PIEZO2: variants seen among roughly 807,000 people sequenced by gnomAD.
The protein encoded by PIEZO2 is piezo-type mechanosensitive ion channel component 2.
PIEZO2 carries 172 observed loss-of-function variants against 337.3 expected under a neutral mutation model. That is an observed-to-expected ratio of 0.51 (90% CI 0.45 to 0.58). PIEZO2 has a LOEUF of 0.58. PIEZO2 is among the 20% of genes least tolerant of loss of function. The pLI is 0.00. For missense variants in PIEZO2, 3,028 were observed against 3,391.3 expected, an observed-to-expected ratio of 0.89 and a Z score of 2.66; for synonymous variants, 1,251 against 1,228.5, an observed-to-expected ratio of 1.02 and a Z score of -0.38.
At chr18:11,091,163 A>G (rs2039075283) in intron 1 of PIEZO2, among the ~76,000 whole-genome samples, 1 of 151,590 alleles carries the variant, frequency 6.6e-6, no homozygotes, top group Admixed American at 6.6e-5. Flanking sequence ...AGGTGGGCGG[A>G]TCACGAGGTC....
intron 7 of PIEZO2, among the ~76,000 whole-genome samples, chr18:10,807,494 T>C (rs1383864144): frequency 1.3e-5 from 2 of 152,248 alleles, no homozygotes; most frequent in Non-Finnish European, 2.9e-5. Context: ...CATTCAGTAA[T>C]CATATGTGTA....
chr18:10,700,544 A>C (rs2035288384), intron 43 of PIEZO2, among the ~76,000 whole-genome samples: 1 of 152,116 alleles, frequency 6.6e-6, no homozygotes. Context: ...TTAAATATAA[A>C]ATTGCAGCAG....
At chr18:10,872,000 T>A (rs2042151228) in intron 4 of PIEZO2, among the ~76,000 whole-genome samples, 1 of 152,212 alleles carries the variant, frequency 6.6e-6, no homozygotes. Context: ...AACTTAGTAG[T>A]TGCATCCTGC....
chr18:10,752,502 T>C, intron 28 of PIEZO2, 134 bp downstream of exon 28: 2 of 1,133,996 alleles, frequency 1.8e-6, no homozygotes, highest in Non-Finnish European at 2.4e-6. Context: ...GGTTTTTGAA[T>C]TCTGAATTTG....
Position 10,707,765 on chromosome 18 carries a change from A to G in PIEZO2, c.5588+510T>C, listed in dbSNP as rs1057465727. Among the ~76,000 whole-genome samples, 1 of 152,220 alleles carries G rather than the reference A, an allele frequency of 6.6e-6. No individual in the cohort carries two copies. Among genetic ancestry groups the G allele is most frequent in the African/African-American group, 2.4e-5 (1 of 41,454 alleles). On this transcript the variant is annotated intron_variant, in intron 40 of 55. Transcript: ENST00000674853. The surrounding 1 kb of genome is among the most constrained non-coding windows in gnomAD (Gnocchi z 4.2). The stretch of plus-strand genomic sequence containing the variant: ...TCTTTTTAAAAACCAATGGTAAACT[A>G]TATTCTGACTTTTATGTCAATTAGG...
rs1227575729 is a variant in PIEZO2, at chr18:11,032,729, G to A, written c.160+33398C>T. Among the ~76,000 whole-genome samples, 2 of 152,204 alleles carry A rather than the reference G, an allele frequency of 1.3e-5. No homozygotes were observed. The highest frequency in any genetic ancestry group is 4.8e-5 in the African/African-American group (2 of 41,458). ...TATGCATGTGTGTGTGTGAATATGT[G>A]CACACATACAGATGTAGAGTTTTCT... On this transcript the variant is annotated intron_variant, in intron 2 of 55. Transcript: ENST00000674853. The surrounding 1 kb of genome is among the most constrained non-coding windows in gnomAD (Gnocchi z 4.9).
At chr18:10,770,857 A>T (rs1454506282) in intron 20 of PIEZO2, among the ~76,000 whole-genome samples, 2 of 151,722 alleles carry the variant, frequency 1.3e-5, no homozygotes, top group Non-Finnish European at 2.9e-5. Context: ...ATTCTCCTTG[A>T]GTAGCTGGGA....
At chr18:10,906,028 T>C (rs1168286960) in intron 4 of PIEZO2, among the ~76,000 whole-genome samples, 1 of 152,122 alleles carries the variant, frequency 6.6e-6, no homozygotes, top group Non-Finnish European at 1.5e-5. Flanking sequence ...AATTTCTTTA[T>C]GACATAGATG....
chr18:11,052,469 C>T (rs1268454550), intron 2 of PIEZO2, among the ~76,000 whole-genome samples: 1 of 151,948 alleles, frequency 6.6e-6, no homozygotes, highest in Non-Finnish European at 1.5e-5. Context: ...CAAGCCTCCA[C>T]ATTCATGATA....
intron 7 of PIEZO2, among the ~76,000 whole-genome samples, chr18:10,809,190 C>G (rs2040095942): frequency 6.7e-6 from 1 of 150,132 alleles, no homozygotes; most frequent in South Asian, 2.1e-4. Context: ...AGATTGTTGT[C>G]TCCTACAGGA....
At chr18:11,074,675 C>T (rs902073361) in intron 1 of PIEZO2, among the ~76,000 whole-genome samples, 2 of 152,172 alleles carry the variant, frequency 1.3e-5, no homozygotes, top group East Asian at 1.9e-4. Flanking sequence ...GAAAAATGAT[C>T]GATTTGACTT....
At chr18:10,869,096 GC>G (rs2042076792) in intron 5 of PIEZO2, among the ~76,000 whole-genome samples, 1 of 152,212 alleles carries the variant, frequency 6.6e-6, no homozygotes, top group South Asian at 2.1e-4. Flanking sequence ...AGAGCAAATA[GC>G]AATTTATCTA....
Position 11,129,395 on chromosome 18 carries a change from C to A in PIEZO2, c.64+19130G>T, listed in dbSNP as rs540167413. On this transcript the variant is annotated intron_variant, in intron 1 of 55. Coordinates refer to ENST00000674853, the MANE Select transcript of PIEZO2 (RefSeq NM_001378183.1). This position sits in a 1 kb window ranked among gnomAD's most constrained non-coding sequence, Gnocchi z 4.6. ...AAGCGGCAATCAGAATAGTCTCATTCGTGTAGAGCTCTGGCATTGGCTAAT... is the reference window on the plus strand; with the variant it reads ...AAGCGGCAATCAGAATAGTCTCATTAGTGTAGAGCTCTGGCATTGGCTAAT... Among the ~76,000 whole-genome samples, 4 of 152,132 alleles carry A rather than the reference C, an allele frequency of 2.6e-5. No homozygotes were observed. Among genetic ancestry groups the A allele is most frequent in the African/African-American group, 9.7e-5 (4 of 41,434 alleles).
chr18:11,042,149 A>G (rs528951134), intron 2 of PIEZO2, among the ~76,000 whole-genome samples: 1 of 152,328 alleles, frequency 6.6e-6, no homozygotes, highest in East Asian at 1.9e-4. Flanking sequence ...ACTTTCATTG[A>G]GGTCACACAA....
intron 1 of PIEZO2, among the ~76,000 whole-genome samples, chr18:11,135,634 G>A (rs370224431): frequency 2.6e-5 from 4 of 152,016 alleles, no homozygotes; most frequent in South Asian, 2.1e-4. Flanking sequence ...CGTAACCTCC[G>A]CCTCCCGGGT....
intron 3 of PIEZO2, among the ~76,000 whole-genome samples, chr18:10,918,086 A>T (rs893098868): frequency 6.6e-6 from 1 of 152,208 alleles, no homozygotes; most frequent in Non-Finnish European, 1.5e-5. Flanking sequence ...AAATCTGTTT[A>T]ACCCCAGAAA....
intron 1 of PIEZO2, among the ~76,000 whole-genome samples, chr18:11,123,726 C>T (rs962919009): frequency 7.2e-5 from 11 of 151,778 alleles, no homozygotes; most frequent in Admixed American, 2.6e-4. Context: ...AGGAGGATGG[C>T]GTGAACCCGG....
intron 2 of PIEZO2, among the ~76,000 whole-genome samples, chr18:11,051,738 A>G (rs569294457): frequency 6.6e-6 from 1 of 152,220 alleles, no homozygotes; most frequent in Non-Finnish European, 1.5e-5. Context: ...AGAACGATCA[A>G]TTATTGTGAG....
rs116598051 is a variant in PIEZO2, at chr18:10,813,137, G to C, written c.918-5863C>G. Among the ~76,000 whole-genome samples the C allele has an allele frequency of 3.9e-3, 600 of 151,958 alleles. 5 individuals are homozygous for C. Among genetic ancestry groups the C allele is most frequent in the African/African-American group, 0.014 (578 of 41,458 alleles). On this transcript the variant is annotated intron_variant, in intron 7 of 55. Transcript: ENST00000674853. The surrounding 1 kb of genome is among the most constrained non-coding windows in gnomAD (Gnocchi z 4.2). ...TAGGATTACAGGCACGCGCCACCAC[G>C]CTCAGCTAAGTTTTTGTATTTTTAG...
Sources: allele counts gnomAD v4.1 joint callset (sites outside exome capture counted in the v4.1 genomes callset), GRCh38; gene constraint gnomAD v4.1.1; non-coding constraint Gnocchi (gnomAD v3.1); transcripts MANE v1.5; gene names NCBI Gene and HGNC (gene_info 2026-07-23, HGNC 2026-07-21).